DKC1: variants seen among roughly 807,000 people sequenced by gnomAD.
The protein encoded by DKC1 is H/ACA ribonucleoprotein complex subunit DKC1.
Under a neutral mutation model 46.7 loss-of-function variants are expected in DKC1, and 4 were observed. The ratio of observed to expected loss-of-function variants is 0.09; its 90% CI spans 0.04 to 0.20. The LOEUF (loss-of-function observed/expected upper bound fraction) is 0.20, where lower values mean the gene tolerates loss of function less well. Ranked by LOEUF, DKC1 falls within the 10% of genes least tolerant of loss-of-function variation. DKC1 has a pLI of 1.00. For missense variants in DKC1, 171 were observed against 404.2 expected (o/e 0.42, Z 4.95); for synonymous variants, 141 against 142.4 (o/e 0.99, Z 0.07).
Position 154,776,120 on chromosome X carries a change from A to G in DKC1, c.1339-67A>G, listed in dbSNP as rs151142174. The G allele has an allele frequency of 9.4e-6, 11 of 1,175,835 alleles. No individual in the cohort carries two copies. In the East Asian group the frequency reaches 3.0e-4, roughly 32 times the overall value. ...TTTCTTGGTGCCTTGCTACCTTTTG[A>G]CTCACTGAACCTTTCTTGTCCATTA... is the stretch of plus-strand genomic sequence containing the variant. On this transcript the variant is annotated intron_variant, in intron 13 of 14. Coordinates refer to ENST00000369550, the MANE Select transcript of DKC1 (RefSeq NM_001363.5).
chrX:154,763,376 A>T (rs1160415619), intron 1 of DKC1, among the ~76,000 whole-genome samples: 1 of 112,330 alleles, frequency 8.9e-6, no homozygotes, highest in Non-Finnish European at 1.9e-5. Flanking sequence ...GAAGAAAAGG[A>T]GCGGAGGGAC....
intron 7 of DKC1, 45 bp downstream of exon 7, chrX:154,767,427 A>G: frequency 8.3e-7 from 1 of 1,201,262 alleles, no homozygotes; most frequent in Non-Finnish European, 1.1e-6. Context: ...ATTCTTCAGG[A>G]TTCTGTTCTC....
chrX:154,775,341 G>A lies in DKC1; in HGVS notation c.1338+68G>A, dbSNP rs781940134. On this transcript the variant is annotated intron_variant, in intron 13 of 14. Transcript: ENST00000369550. ...ATAATCCTAAGAGGCACTGGCATTC[G>A]TCTTACTTTGTGACTGTCCGCAGTC... 56 of 1,032,814 alleles carry A rather than the reference G, an allele frequency of 5.4e-5. No homozygotes were observed. In the African/African-American group the frequency reaches 8.7e-4, roughly 16 times the overall value. The allele number at this position is 1,032,814 out of a possible 1,213,427, so 85.1% of individuals were successfully genotyped here. A position where few individuals can be genotyped will look rare whatever the true frequency, so the allele number is the denominator to read the frequency against.
chrX:154,775,790 G>A (rs2071888329), intron 13 of DKC1, among the ~76,000 whole-genome samples: 1 of 112,350 alleles, frequency 8.9e-6, no homozygotes, highest in Non-Finnish European at 1.9e-5. Context: ...AGAATGACAG[G>A]TCTGCACTCA....
chrX:154,773,928 G>A (rs1316575660), intron 11 of DKC1, among the ~76,000 whole-genome samples: 1 of 111,054 alleles, frequency 9.0e-6, no homozygotes. Context: ...GCCGGGCGGG[G>A]GGGCTGACCC....
At chrX:154,773,955 C>T (rs1270466771) in intron 11 of DKC1, among the ~76,000 whole-genome samples, 9 of 111,463 alleles carry the variant, frequency 8.1e-5, no homozygotes, top group East Asian at 2.9e-4. Flanking sequence ...ACCTCCCTCC[C>T]GGATGGGGCG....
In DKC1 at chrX:154,769,374, TTTA is replaced by T. The variant is rs1191109582; in HGVS notation, c.915+67_915+69del. ...TACTCCAAAGATGAGGCTTGCTCTT[TTTA>T]TTGTTTTCCTTGGGTTTTATTTTAT... On this transcript the variant is annotated intron_variant, in intron 9 of 14. Transcript: ENST00000369550. 5.4e-6 allele frequency: 6 copies of T among 1,104,141 alleles called. No homozygotes were observed. In the African/African-American group the frequency reaches 9.1e-5, roughly 17 times the overall value. 91.0% of individuals were successfully genotyped at this position (1,104,141 alleles called of 1,213,427 possible). A position where few individuals can be genotyped will look rare whatever the true frequency, so the allele number is the denominator to read the frequency against.
chrX:154,773,281 G>GTTA, intron 11 of DKC1, 32 bp downstream of exon 11: 1 of 630,026 alleles, frequency 1.6e-6, no homozygotes, highest in Non-Finnish European at 2.4e-6. Flanking sequence ...GCCCTGCCAG[G>GTTA]TTCTTTTTTT....
chrX:154,775,322 C>T, intron 13 of DKC1, 49 bp downstream of exon 13: 1 of 1,089,260 alleles, frequency 9.2e-7, no homozygotes, highest in Non-Finnish European at 1.3e-6. Context: ...GGAGATAATC[C>T]TAAGAGGCAC....
At chrX:154,763,179 G>A (rs2071702492) in intron 1 of DKC1, among the ~76,000 whole-genome samples, 198 bp downstream of exon 1, 1 of 112,004 alleles carries the variant, frequency 8.9e-6, no homozygotes, top group African/African-American at 3.2e-5. Flanking sequence ...GCCCCTCGCG[G>A]TGACTTGGCA....
At chrX:154,770,701 G>C in intron 9 of DKC1, 58 bp from the exon 10 acceptor site, 1 of 1,204,533 alleles carries the variant, frequency 8.3e-7, no homozygotes, top group East Asian at 3.0e-5. Context: ...TTACTCTGGT[G>C]TGGGAGTGGG....
At chrX:154,770,002 C>T (rs782143058) in intron 9 of DKC1, among the ~76,000 whole-genome samples, 34 of 111,210 alleles carry the variant, frequency 3.1e-4, no homozygotes, top group African/African-American at 1.1e-3. Flanking sequence ...ACCCACTGAC[C>T]TATAAATTCT....
rs1557265768 is a variant in DKC1 at position 154,776,803 on chromosome X, G to A, written c.1481G>A (p.Ser494Asn). 1.7e-6 allele frequency: 2 copies of A among 1,207,761 alleles called. No homozygotes were observed. Among genetic ancestry groups the A allele is most frequent in the East Asian group, 3.0e-5 (1 of 33,742 alleles). The change falls in exon 15 of 15, where the codon AGT becomes AAT. Residue 494 changes from serine (S) to asparagine (N), a missense_variant. Coordinates refer to ENST00000369550, the MANE Select transcript of DKC1 (RefSeq NM_001363.5). ...ESGAEPGDGD[S>N]DTTKKKKKKK... ...TTTCATTCTCTTTCTTTCTAGGACA[G>A]TGATACCACCAAGAAGAAGAAGAAG...
chrX:154,771,315 C>T (rs782286065), intron 10 of DKC1, among the ~76,000 whole-genome samples: 1 of 106,556 alleles, frequency 9.4e-6, no homozygotes, highest in South Asian at 4.2e-4. Context: ...CTCAGCCTTC[C>T]GAGTAGCTAG....
intron 10 of DKC1, among the ~76,000 whole-genome samples, 198 bp from the exon 11 acceptor site, chrX:154,772,928 AAGTTT>A (rs1362403208): frequency 8.9e-6 from 1 of 111,807 alleles, no homozygotes; most frequent in African/African-American, 3.3e-5. Context: ...TTAACTTCAG[AAGTTT>A]AACGTCATTT....
chrX:154,774,106 C>T, intron 11 of DKC1, among the ~76,000 whole-genome samples: 1 of 112,442 alleles, frequency 8.9e-6, no homozygotes, highest in East Asian at 2.8e-4. Context: ...TTAGAGATTT[C>T]AGTCTAATGA....
At chrX:154,768,008 G>A (rs1334467499) in intron 7 of DKC1, 1 of 286,331 alleles carries the variant, frequency 3.5e-6, no homozygotes, top group African/African-American at 2.8e-5. Context: ...CCGCCATCAT[G>A]CCCGGCTAAT....
Position 154,766,349 on chromosome X carries a change from A to G in DKC1, c.397A>G (p.Ile133Val). 1 of 1,211,166 alleles carries G rather than the reference A, an allele frequency of 8.3e-7. No individual in the cohort carries two copies. Among genetic ancestry groups the G allele is most frequent in the Admixed American group, 2.2e-5 (1 of 45,993 alleles). ...GGATCCCAAGGTGACTGGTTGTTTA[A>G]TCGTGTGCATAGAACGAGCCACTCG... The part of the protein sequence containing the change: ...TLDPKVTGCL[I>V]VCIERATRLV... Residue 133 changes from isoleucine to valine, a missense_variant, in exon 5 of 15, where the codon ATC (isoleucine) becomes GTC (valine). Around this residue, in one of 4 missense-constraint regions of DKC1, gnomAD observed 41 missense variants for 117.3 expected, o/e 0.35. Coordinates refer to ENST00000369550, the MANE Select transcript of DKC1 (RefSeq NM_001363.5).
At chrX:154,763,044 GA>G (rs1452882940) in intron 1 of DKC1, 63 bp downstream of exon 1, 7 of 1,118,213 alleles carry the variant, frequency 6.3e-6, no homozygotes, top group Non-Finnish European at 8.4e-6. Flanking sequence ...GGGGTGGGGG[GA>G]TGGTATCGGG....
Sources: gnomAD v4.1 joint callset for allele counts (sites outside exome capture counted in the v4.1 genomes callset) on GRCh38, gnomAD v4.1.1 for gene constraint, gnomAD v4.1.1 regional missense constraint, MANE v1.5 for transcripts, NCBI Gene and HGNC (gene_info 2026-07-23, HGNC 2026-07-21) for gene names.